GFI1: variants seen among roughly 807,000 people sequenced by gnomAD.
GFI1 encodes the protein zinc finger protein Gfi-1.
A neutral mutation model predicts 39.2 loss-of-function variants in GFI1; 15 were observed. The observed-to-expected ratio is 0.38, with a 90% CI of 0.26 to 0.59. The LOEUF (loss-of-function observed/expected upper bound fraction) is 0.59, where lower values mean the gene tolerates loss of function less well. Ranked by LOEUF, GFI1 falls within the 20% of genes least tolerant of loss-of-function variation. The pLI, the probability that GFI1 is intolerant of heterozygous loss-of-function variation, is 0.62. For synonymous variants in GFI1, 239 were observed against 254.3 expected, an observed-to-expected ratio of 0.94 and a Z score of 0.57; for missense variants, 475 against 574.0, an observed-to-expected ratio of 0.83 and a Z score of 1.76.
chr1:92,479,869 G>A (rs1378829227), intron 5 of GFI1, among the ~76,000 whole-genome samples: 1 of 151,936 alleles, frequency 6.6e-6, no homozygotes, highest in Non-Finnish European at 1.5e-5. Flanking sequence ...AAAGAAAAAA[G>A]AAAAGAAAAG....
At chr1:92,483,950 C>T (rs757775200) in intron 1 of GFI1, 4 of 269,458 alleles carry the variant, frequency 1.5e-5, no homozygotes, top group Non-Finnish European at 3.0e-5. Flanking sequence ...TACCCCAACT[C>T]AGCTACTCAT....
At chr1:92,478,929 G>A (rs182047789) in intron 5 of GFI1, among the ~76,000 whole-genome samples, 176 bp from the exon 6 acceptor site, 185 of 152,186 alleles carry the variant, frequency 1.2e-3, no homozygotes, top group Non-Finnish European at 2.4e-3. Context: ...GCAGTGGAAC[G>A]ATCTCAGTTC....
chr1:92,476,036 A>G lies in GFI1; in HGVS notation c.1262T>C (p.Leu421Pro). 3 of 1,613,918 alleles carry G rather than the reference A, an allele frequency of 1.9e-6. No homozygotes were observed. The highest frequency in any genetic ancestry group is 2.5e-6 in the Non-Finnish European group (3 of 1,179,924). ...TGCAGCCAGCCAGGGTGCTCATTTGAGCCCATGCTGCGTCTCCCGGTGCCT... is the reference window on the plus strand; with the variant it reads ...TGCAGCCAGCCAGGGTGCTCATTTGGGCCCATGCTGCGTCTCCCGGTGCCT... ...LRRHRETQHGLK is the reference protein window; with the variant it reads ...LRRHRETQHGPK Residue 421 changes from leucine to proline, a missense_variant, in exon 7 of 7, where the codon CTC becomes CCC. Around this residue, in one of 4 missense-constraint regions of GFI1, gnomAD observed 112 missense variants for 202.8 expected, o/e 0.55. Transcript: ENST00000294702.
At chr1:92,478,452 G>C in intron 6 of GFI1, 136 bp downstream of exon 6, 1 of 774,942 alleles carries the variant, frequency 1.3e-6, no homozygotes, top group Non-Finnish European at 2.2e-6. Flanking sequence ...CCACCCCTTT[G>C]TTTTCTTTAA....
At position 92,480,289 on chromosome 1, in the gene GFI1, C is replaced by A; in HGVS notation, c.924+59G>T. ...AGGCAGAGAGTGGCTGGTGCTGCAC[C>A]GAGGAGATGCAGAAGATCCCCGAGC... On this transcript the variant is annotated intron_variant, in intron 5 of 6. Transcript: ENST00000294702. The surrounding 1 kb of genome is among the most constrained non-coding windows in gnomAD (Gnocchi z 5.6). The A allele has an allele frequency of 6.6e-7, 1 of 1,522,850 alleles. No homozygotes were observed. The highest frequency in any genetic ancestry group is 8.8e-7 in the Non-Finnish European group (1 of 1,133,056). The allele number at this position is 1,522,850 out of a possible 1,614,324, so 94.3% of individuals were successfully genotyped here.
At chr1:92,485,354 C>T (rs1389926789) in intron 1 of GFI1, among the ~76,000 whole-genome samples, 2 of 152,244 alleles carry the variant, frequency 1.3e-5, no homozygotes, top group East Asian at 1.9e-4. Flanking sequence ...GGCGTTGTCC[C>T]GAGGGTCCCG....
At chr1:92,485,263 C>T (rs988477227) in intron 1 of GFI1, among the ~76,000 whole-genome samples, 3 of 152,228 alleles carry the variant, frequency 2.0e-5, no homozygotes, top group African/African-American at 7.2e-5. Flanking sequence ...CTGCACTTCT[C>T]GTCCGTACAA....
chr1:92,476,683 C>T (rs999284734), intron 6 of GFI1, among the ~76,000 whole-genome samples: 1 of 152,266 alleles, frequency 6.6e-6, no homozygotes, highest in Middle Eastern at 3.4e-3. Flanking sequence ...TCAGTGAGCC[C>T]GTCTTCTTTC....
Position 92,481,096 on chromosome 1 carries a change from G to C in GFI1, c.299-8C>G. 2 of 1,608,318 alleles carry C rather than the reference G, an allele frequency of 1.2e-6. No individual in the cohort carries two copies. Among genetic ancestry groups the C allele is most frequent in the Non-Finnish European group, 1.7e-6 (2 of 1,176,926 alleles). On this transcript the variant is annotated splice_polypyrimidine_tract_variant and splice_region_variant and intron_variant, in intron 3 of 6. Transcript: ENST00000294702. The surrounding 1 kb of genome is among the most constrained non-coding windows in gnomAD (Gnocchi z 4.3). ...ACATTGACTTCTCCGAGGCTGTGGA[G>C]GCACAAGGGGAGCGTCCGGTCAGGC...
Position 92,481,194 on chromosome 1 carries a change from G to A in GFI1, c.299-106C>T, listed in dbSNP as rs1658234291. ...GTGTTCGCGGACTGCGGGGCACCCA[G>A]CGCTTGTAGAACACTGCGTGCGCCA... On this transcript the variant is annotated intron_variant, in intron 3 of 6. Coordinates refer to ENST00000294702, the MANE Select transcript of GFI1 (RefSeq NM_005263.5). The surrounding 1 kb of genome is among the most constrained non-coding windows in gnomAD (Gnocchi z 4.3). The A allele has an allele frequency of 3.9e-6, 4 of 1,021,718 alleles. No homozygotes were observed. In the East Asian group the frequency reaches 1.0e-4, roughly 27 times the overall value. The allele number at this position is 1,021,718 out of a possible 1,614,324, so 63.3% of individuals were successfully genotyped here. A position where few individuals can be genotyped will look rare whatever the true frequency, so the allele number is the denominator to read the frequency against.
chr1:92,486,457 G>A (rs1457538582), intron 1 of GFI1, among the ~76,000 whole-genome samples: 1 of 152,138 alleles, frequency 6.6e-6, no homozygotes, highest in Non-Finnish European at 1.5e-5. Context: ...CAGATTGACT[G>A]GCGAGAGAGG....
Position 92,481,200 on chromosome 1 carries a change from G to T in GFI1, c.299-112C>A, listed in dbSNP as rs557109696. On this transcript the variant is annotated intron_variant, in intron 3 of 6. Coordinates refer to ENST00000294702, the MANE Select transcript of GFI1 (RefSeq NM_005263.5). The surrounding 1 kb of genome is among the most constrained non-coding windows in gnomAD (Gnocchi z 4.3). ...GCGGACTGCGGGGCACCCAGCGCTT[G>T]TAGAACACTGCGTGCGCCAGGTGCC... is the stretch of plus-strand genomic sequence containing the variant. 7.3e-6 allele frequency: 7 copies of T among 961,186 alleles called. No homozygotes were observed. In the East Asian group the frequency reaches 1.8e-4, roughly 25 times the overall value. 59.5% of individuals were successfully genotyped at this position (961,186 alleles called of 1,614,324 possible).
Position 92,480,241 on chromosome 1 carries a change from G to C in GFI1, c.924+107C>G. On this transcript the variant is annotated intron_variant, in intron 5 of 6. Coordinates refer to ENST00000294702, the MANE Select transcript of GFI1 (RefSeq NM_005263.5). The surrounding 1 kb of genome is among the most constrained non-coding windows in gnomAD (Gnocchi z 5.6). Reference sequence around the variant, plus strand: ...CGGAGGGCTTGGGGGAGGAAACTGGGGGAAGTCGAGGAGAAAACTTCCAGG... The same window carrying C: ...CGGAGGGCTTGGGGGAGGAAACTGGCGGAAGTCGAGGAGAAAACTTCCAGG... 2 of 1,250,330 alleles carry C rather than the reference G, an allele frequency of 1.6e-6. No individual in the cohort carries two copies. Among genetic ancestry groups the C allele is most frequent in the Non-Finnish European group, 2.2e-6 (2 of 889,706 alleles). The allele number at this position is 1,250,330 out of a possible 1,614,324, so 77.5% of individuals were successfully genotyped here. A position where few individuals can be genotyped will look rare whatever the true frequency, so the allele number is the denominator to read the frequency against.
rs1196687375 is a variant in GFI1, at chr1:92,482,290, AGCTGGATTGCTC to A, written c.298+562_298+573del. 2.0e-5 allele frequency among the ~76,000 whole-genome samples: 3 copies of A among 152,150 alleles called. No homozygotes were observed. Among genetic ancestry groups the A allele is most frequent in the Non-Finnish European group, 4.4e-5 (3 of 68,026 alleles). On this transcript the variant is annotated intron_variant, in intron 3 of 6. Coordinates refer to ENST00000294702, the MANE Select transcript of GFI1 (RefSeq NM_005263.5). This position sits in a 1 kb window ranked among gnomAD's most constrained non-coding sequence, Gnocchi z 4.4. The stretch of plus-strand genomic sequence containing the variant: ...ACGTGTGGTCACTTAGTTTGCCTGA[AGCTGGATTGCTC>A]GCTGGAAATGAAACCCAGAGAGCAG...
chr1:92,475,927 A>C lies in GFI1; in HGVS notation c.*102T>G. 1 of 1,109,226 alleles carries C rather than the reference A, an allele frequency of 9.0e-7. No individual in the cohort carries two copies. Among genetic ancestry groups the C allele is most frequent in the Non-Finnish European group, 1.3e-6 (1 of 745,632 alleles). The allele number at this position is 1,109,226 out of a possible 1,614,324, so 68.7% of individuals were successfully genotyped here. On this transcript the variant is annotated 3_prime_UTR_variant, in exon 7 of 7. Transcript: ENST00000294702. ...TGCAGACTGGACCTGGGGTCTGGAAAGTCAGAAGGGAGTGGAGGCAAGCAG... is the reference window on the plus strand; with the variant it reads ...TGCAGACTGGACCTGGGGTCTGGAACGTCAGAAGGGAGTGGAGGCAAGCAG...
At chr1:92,483,136 C>T (rs1171322754) in intron 2 of GFI1, 90 bp from the exon 3 acceptor site, 3 of 1,236,458 alleles carry the variant, frequency 2.4e-6, no homozygotes, top group Middle Eastern at 2.8e-4. Flanking sequence ...ACCAGGGCAG[C>T]CGAGCGTCTT....
chr1:92,482,954 C>A lies in GFI1; in HGVS notation c.208G>T (p.Ala70Ser), dbSNP rs1400776565. 3.7e-6 allele frequency: 6 copies of A among 1,613,706 alleles called. No homozygotes were observed. Among genetic ancestry groups the A allele is most frequent in the Non-Finnish European group, 5.1e-6 (6 of 1,179,818 alleles). ...QLTEAPDRAS[A>S]SPDSCEGSVC... Reference sequence around the variant, plus strand: ...CTGCCTTCGCAGCTGTCTGGGGATGCGGAGGCTCTGTCTGGGGCTTCGGTC... The same window carrying A: ...CTGCCTTCGCAGCTGTCTGGGGATGAGGAGGCTCTGTCTGGGGCTTCGGTC... Residue 70 changes from alanine to serine, a missense_variant, in exon 3 of 7, where the codon GCA becomes TCA. Ala to Ser is a moderately conservative substitution (Grantham distance 99). Around this residue, in one of 4 missense-constraint regions of GFI1, gnomAD observed 275 missense variants for 275.8 expected, o/e 1.00. Transcript: ENST00000294702. The surrounding 1 kb of genome is among the most constrained non-coding windows in gnomAD (Gnocchi z 4.4).
Position 92,475,967 on chromosome 1 carries a change from G to T in GFI1, c.*62C>A. 1 of 1,486,372 alleles carries T rather than the reference G, an allele frequency of 6.7e-7. No homozygotes were observed. Among genetic ancestry groups the T allele is most frequent in the Non-Finnish European group, 9.3e-7 (1 of 1,073,622 alleles). The allele number at this position is 1,486,372 out of a possible 1,614,324, so 92.1% of individuals were successfully genotyped here. ...GAGGCAAGCAGGGAGCAGAGTGGTGGCAAGCAGGGAGGCTGCCCTCTGTAG... is the reference window on the plus strand; with the variant it reads ...GAGGCAAGCAGGGAGCAGAGTGGTGTCAAGCAGGGAGGCTGCCCTCTGTAG... On this transcript the variant is annotated 3_prime_UTR_variant, in exon 7 of 7. Transcript: ENST00000294702.
In GFI1 at chr1:92,480,790, G is replaced by A; in HGVS notation, c.597C>T (p.Leu199=). 6.3e-7 allele frequency: 1 copy of A among 1,597,960 alleles called. No homozygotes were observed. Among genetic ancestry groups the A allele is most frequent in the Non-Finnish European group, 8.5e-7 (1 of 1,175,948 alleles). ...CTGCCGCAGACCCGAAGTCGCCGTA[G>A]AGCCCTAGGCCAGGGCCAGCGGTGG... ...AGATAGPGLG[L]YGDFGSAAAG... Residue 199 remains leucine, a synonymous_variant, in exon 4 of 7, where the codon CTC becomes CTT. Transcript: ENST00000294702. This position sits in a 1 kb window ranked among gnomAD's most constrained non-coding sequence, Gnocchi z 5.6.
Sources: allele counts gnomAD v4.1 joint callset (sites outside exome capture counted in the v4.1 genomes callset), GRCh38; gene constraint gnomAD v4.1.1; regional missense constraint gnomAD v4.1.1; non-coding constraint Gnocchi (gnomAD v3.1); transcripts MANE v1.5; gene names NCBI Gene and HGNC (gene_info 2026-07-23, HGNC 2026-07-21).